FOXP2: variants seen among roughly 807,000 people sequenced by gnomAD.
The protein encoded by FOXP2 is forkhead box protein P2.
FOXP2 carries 12 observed loss-of-function variants against 115.8 expected under a neutral mutation model. The observed-to-expected ratio is 0.10, with a 90% CI of 0.07 to 0.17. The LOEUF (loss-of-function observed/expected upper bound fraction) is 0.17. Ranked by LOEUF, FOXP2 falls within the 10% of genes least tolerant of loss-of-function variation. FOXP2 has a pLI of 1.00. For missense variants in FOXP2, 629 were observed against 843.5 expected (o/e 0.75, Z 3.15); for synonymous variants, 328 against 297.7 (o/e 1.10, Z -1.05).
chr7:114,520,248 G>T (rs1179099320), intron 2 of FOXP2, among the ~76,000 whole-genome samples: 4 of 151,946 alleles, frequency 2.6e-5, no homozygotes, highest in African/African-American at 4.8e-5. Context: ...TATCCACATG[G>T]AATCCCTCCC....
intron 3 of FOXP2, among the ~76,000 whole-genome samples, chr7:114,541,973 A>G (rs1233894089): frequency 1.3e-5 from 2 of 152,034 alleles, no homozygotes; most frequent in African/African-American, 4.8e-5. Context: ...AGCTAAATTG[A>G]ATGACAAAGT....
At chr7:114,685,237 T>G (rs980615615) in intron 16 of FOXP2, among the ~76,000 whole-genome samples, 1 of 152,230 alleles carries the variant, frequency 6.6e-6, no homozygotes, top group African/African-American at 2.4e-5. Flanking sequence ...TTTATCACGT[T>G]AAATAGTACC....
At chr7:114,558,800 A>G (rs1368544280) in intron 3 of FOXP2, among the ~76,000 whole-genome samples, 3 of 151,992 alleles carry the variant, frequency 2.0e-5, no homozygotes, top group Non-Finnish European at 4.4e-5. Context: ...TTAATATGAA[A>G]CTCATCACTA....
At chr7:114,277,525 A>T (rs1796217727) in intron 1 of FOXP2, among the ~76,000 whole-genome samples, 2 of 151,846 alleles carry the variant, frequency 1.3e-5, no homozygotes, top group South Asian at 2.1e-4. Context: ...AAAGACCATT[A>T]AAAAAAACCA....
chr7:114,432,501 T>C (rs1283253315), intron 2 of FOXP2, among the ~76,000 whole-genome samples: 1 of 152,160 alleles, frequency 6.6e-6, no homozygotes. Context: ...GGTAAAGTAC[T>C]GTTAAGGGTT....
chr7:114,194,907 G>T (rs1182530985), intron 1 of FOXP2, among the ~76,000 whole-genome samples: 1 of 152,026 alleles, frequency 6.6e-6, no homozygotes, highest in African/African-American at 2.4e-5. Flanking sequence ...TAATGAAATT[G>T]TTATTCTTTT....
intron 1 of FOXP2, among the ~76,000 whole-genome samples, chr7:114,103,752 C>G (rs988227094): frequency 2.0e-5 from 3 of 151,974 alleles, no homozygotes; most frequent in Admixed American, 6.6e-5. Flanking sequence ...ATATGAAAGA[C>G]TTGTAAATTG....
intron 2 of FOXP2, among the ~76,000 whole-genome samples, chr7:114,303,291 C>A (rs1317400810): frequency 6.6e-6 from 1 of 151,912 alleles, no homozygotes; most frequent in Non-Finnish European, 1.5e-5. Flanking sequence ...AAAAATCCTA[C>A]ACATACAAAA....
At chr7:114,260,883 A>C (rs757637754) in intron 1 of FOXP2, among the ~76,000 whole-genome samples, 99 of 150,194 alleles carry the variant, frequency 6.6e-4, no homozygotes, top group Non-Finnish European at 1.1e-3. Flanking sequence ...CGAACACATG[A>C]AAAAAGAAAT....
At chr7:114,520,683 A>T (rs1798579991) in intron 2 of FOXP2, among the ~76,000 whole-genome samples, 1 of 152,142 alleles carries the variant, frequency 6.6e-6, no homozygotes, top group South Asian at 2.1e-4. Context: ...CAGATATTAG[A>T]TATGTTTTTT....
Position 114,690,175 on chromosome 7 carries a change from G to GAA in FOXP2, c.*259_*260dup, listed in dbSNP as rs752684219. On this transcript the variant is annotated 3_prime_UTR_variant, in exon 17 of 17. Coordinates refer to ENST00000350908, the MANE Select transcript of FOXP2 (RefSeq NM_014491.4). ...AAAAAAGACAAAAACTGATTTTCTTGAAAAAAAAAAATGAACTGTTCTTTC... is the reference window on the plus strand; with the variant it reads ...AAAAAAGACAAAAACTGATTTTCTTGAAAAAAAAAAAAATGAACTGTTCTTTC... 3.8e-5 allele frequency: 14 copies of GAA among 367,858 alleles called. No individual in the cohort carries two copies. The highest frequency in any genetic ancestry group is 1.6e-4 in the Admixed American group (4 of 24,920). The allele number at this position is 367,858 out of a possible 1,614,324, so 22.8% of individuals were successfully genotyped here.
intron 1 of FOXP2, among the ~76,000 whole-genome samples, chr7:114,205,743 A>C (rs747243125): frequency 9.2e-5 from 14 of 152,180 alleles, no homozygotes; most frequent in Non-Finnish European, 1.8e-4. Flanking sequence ...ACCTCATGGG[A>C]GCTCTGAAGC....
At chr7:114,312,623 G>A (rs1797174369) in intron 2 of FOXP2, among the ~76,000 whole-genome samples, 1 of 152,182 alleles carries the variant, frequency 6.6e-6, no homozygotes, top group Non-Finnish European at 1.5e-5. Context: ...GGACACATGA[G>A]ATGTCAGGGT....
intron 9 of FOXP2, chr7:114,653,587 A>G (rs755999432): frequency 3.9e-5 from 14 of 358,064 alleles, no homozygotes; most frequent in Non-Finnish European, 6.5e-5. Context: ...TCCATTGCTA[A>G]CAGTGTCCAC....
chr7:114,576,813 G>A (rs780863248), intron 3 of FOXP2, among the ~76,000 whole-genome samples: 14 of 151,954 alleles, frequency 9.2e-5, no homozygotes, highest in Non-Finnish European at 2.1e-4. Flanking sequence ...TTAAGGAAAT[G>A]TGTATTCTGT....
chr7:114,561,174 C>T (rs1444341036), intron 3 of FOXP2: 1 of 151,970 alleles, frequency 6.6e-6, no homozygotes, highest in African/African-American at 2.4e-5. Flanking sequence ...AAGGTAGTCC[C>T]CAAAGAAAAA....
intron 16 of FOXP2, among the ~76,000 whole-genome samples, chr7:114,674,662 G>C (rs945355937): frequency 6.6e-6 from 1 of 152,086 alleles, no homozygotes; most frequent in Admixed American, 6.5e-5. Context: ...TAATTTCTTA[G>C]CTGATAAAAG....
chr7:114,149,082 G>A (rs2129148530), intron 1 of FOXP2, among the ~76,000 whole-genome samples: 1 of 152,170 alleles, frequency 6.6e-6, no homozygotes, highest in Admixed American at 6.6e-5. Context: ...ATTTTTGAAT[G>A]ATTAAGCACT....
At chr7:114,089,900 TTTGA>T (rs2129138846) in intron 1 of FOXP2, among the ~76,000 whole-genome samples, 1 of 152,100 alleles carries the variant, frequency 6.6e-6, no homozygotes, top group Admixed American at 6.5e-5. Context: ...AACTGCATGG[TTTGA>T]TTAAGATTCA....
Sources: allele counts gnomAD v4.1 joint callset (sites outside exome capture counted in the v4.1 genomes callset), GRCh38; gene constraint gnomAD v4.1.1; transcripts MANE v1.5; gene names NCBI Gene and HGNC (gene_info 2026-07-23, HGNC 2026-07-21).